The following CSMD1 variants were observed in gnomAD, a reference collection of about 807,000 sequenced individuals.
CSMD1 encodes the protein CUB and Sushi multiple domains 1.
CSMD1 carries 213 observed loss-of-function variants against 417.5 expected under a neutral mutation model. The observed-to-expected ratio is 0.51, with a 90% CI of 0.46 to 0.57. The LOEUF (loss-of-function observed/expected upper bound fraction) is 0.57. Ranked by LOEUF, CSMD1 falls within the 20% of genes least tolerant of loss-of-function variation. The probability of loss-of-function intolerance (pLI) is 0.00; values close to 1 mark genes in which losing one functional copy is unlikely to be tolerated. For missense variants in CSMD1, 6,923 were observed against 4,529.7 expected (o/e 1.53, Z -15.17); for synonymous variants, 2,862 against 1,736.8 (o/e 1.65, Z -16.11).
chr8:4,333,546 G>C (rs979051868), intron 3 of CSMD1, among the ~76,000 whole-genome samples: 1 of 152,102 alleles, frequency 6.6e-6, no homozygotes, highest in Non-Finnish European at 1.5e-5. Flanking sequence ...AAATCATCAG[G>C]ATATGCACAC....
chr8:4,218,902 T>C (rs1045724628), intron 3 of CSMD1, among the ~76,000 whole-genome samples: 1 of 152,222 alleles, frequency 6.6e-6, no homozygotes, highest in African/African-American at 2.4e-5. Flanking sequence ...TATATGATCT[T>C]TCCATTTTGG....
chr8:4,937,854 G>A (rs72624082), intron 1 of CSMD1, among the ~76,000 whole-genome samples: 19,934 of 151,916 alleles, frequency 0.13, 1,780 homozygotes, highest in East Asian at 0.38. Flanking sequence ...TACATTCGAA[G>A]CTAAAAAATA....
chr8:4,217,478 T>C (rs1056777485), intron 3 of CSMD1, among the ~76,000 whole-genome samples: 1 of 152,060 alleles, frequency 6.6e-6, no homozygotes, highest in South Asian at 2.1e-4. Context: ...TAAACACAGG[T>C]AAGGGTCACA....
chr8:3,563,339 T>C (rs1377919558), intron 10 of CSMD1, among the ~76,000 whole-genome samples: 2 of 151,426 alleles, frequency 1.3e-5, no homozygotes, highest in African/African-American at 4.9e-5. Flanking sequence ...TGCTTTGTTG[T>C]TACTCATATC....
chr8:3,709,767 G>A (rs144694664), intron 6 of CSMD1, among the ~76,000 whole-genome samples: 1 of 130,832 alleles, frequency 7.6e-6, no homozygotes, highest in Non-Finnish European at 1.5e-5. Flanking sequence ...TCTCCAACTT[G>A]CTGACTTACC....
chr8:4,717,578 CCATCCATA>C (rs752991040), intron 1 of CSMD1, among the ~76,000 whole-genome samples: 7,297 of 151,154 alleles, frequency 0.048, 180 homozygotes, highest in East Asian at 0.079. Flanking sequence ...ATCCATCCAT[CCATCCATA>C]CATCCATCCA....
chr8:3,369,320 C>A lies in CSMD1; in HGVS notation c.2833G>T (p.Gly945Trp). Residue 945 changes from glycine (G) to tryptophan (W), a missense_variant, in exon 19 of 70, where the codon GGG (glycine) becomes TGG (tryptophan). Coordinates refer to ENST00000635120, the MANE Select transcript of CSMD1 (RefSeq NM_033225.6). ...GAGTTTGGATAAAAATCTGGAAACC[C>A]AGGAGAAAGGACTGTTCCACTCTTC... ...QGKSGTVLSPGFPDFYPNSLN... is the reference protein window; with the variant it reads ...QGKSGTVLSPWFPDFYPNSLN... 1.2e-6 allele frequency: 2 copies of A among 1,607,740 alleles called. No individual in the cohort carries two copies. Among genetic ancestry groups the A allele is most frequent in the Non-Finnish European group, 1.7e-6 (2 of 1,174,764 alleles).
intron 2 of CSMD1, among the ~76,000 whole-genome samples, chr8:4,557,955 T>A (rs1798170006): frequency 6.6e-6 from 1 of 152,178 alleles, no homozygotes; most frequent in African/African-American, 2.4e-5. Context: ...AGGAAGCTGA[T>A]AAATAATAAG....
chr8:4,112,209 C>G (rs1213990530), intron 3 of CSMD1, among the ~76,000 whole-genome samples: 1 of 152,104 alleles, frequency 6.6e-6, no homozygotes, highest in Non-Finnish European at 1.5e-5. Flanking sequence ...GAACCAGTAA[C>G]ACCTCTTTCA....
chr8:3,604,317 C>T (rs1158680508), intron 8 of CSMD1, among the ~76,000 whole-genome samples: 2 of 152,062 alleles, frequency 1.3e-5, no homozygotes, highest in Non-Finnish European at 2.9e-5. Flanking sequence ...GACCAAAGGT[C>T]CATTTCAGAT....
chr8:4,959,326 A>C (rs1393896742), intron 1 of CSMD1, among the ~76,000 whole-genome samples: 1 of 152,178 alleles, frequency 6.6e-6, no homozygotes, highest in African/African-American at 2.4e-5. Context: ...GGACCTTCTT[A>C]TTCAACATGT....
Position 4,566,448 on chromosome 8 carries a change from A to T in CSMD1, c.302+70894T>A, listed in dbSNP as rs1007990919. ...GTGGGTTGATCACGAGGTCAAGAGA[A>T]CGAGACCATCCTGGCTAACAAGGTG... On this transcript the variant is annotated intron_variant, in intron 2 of 69. Coordinates refer to ENST00000635120, the MANE Select transcript of CSMD1 (RefSeq NM_033225.6). Among the ~76,000 whole-genome samples, 16 of 151,130 alleles carry T rather than the reference A, an allele frequency of 1.1e-4. No individual in the cohort carries two copies. In the East Asian group the frequency reaches 1.2e-3, roughly 11 times the overall value.
At chr8:4,031,880 C>T (rs374671552) in intron 4 of CSMD1, 25 bp downstream of exon 4, 8 of 1,580,376 alleles carry the variant, frequency 5.1e-6, no homozygotes, top group Middle Eastern at 1.9e-4. Flanking sequence ...GGAGTCTGCT[C>T]ACCAGCCCCC....
chr8:4,825,577 C>A (rs767684544), intron 1 of CSMD1, among the ~76,000 whole-genome samples: 1 of 122,544 alleles, frequency 8.2e-6, no homozygotes, highest in Admixed American at 7.5e-5. Context: ...ATACTTCATA[C>A]AAGTGGGATC....
intron 7 of CSMD1, among the ~76,000 whole-genome samples, chr8:3,627,464 A>G (rs1182271268): frequency 2.6e-5 from 4 of 152,208 alleles, no homozygotes; most frequent in Non-Finnish European, 5.9e-5. Context: ...TATGTAGGTT[A>G]TTTAAAGTCG....
chr8:4,693,525 T>G (rs1156881782), intron 1 of CSMD1, among the ~76,000 whole-genome samples: 1 of 152,228 alleles, frequency 6.6e-6, no homozygotes, highest in Admixed American at 6.5e-5. Flanking sequence ...TGAGTCTGCT[T>G]CTTTAATTTT....
Position 4,532,284 on chromosome 8 carries a change from G to A in CSMD1, c.302+105058C>T, listed in dbSNP as rs967423213. Among the ~76,000 whole-genome samples the A allele has an allele frequency of 2.1e-5, 3 of 139,554 alleles. No individual in the cohort carries two copies. In the South Asian group the frequency reaches 7.0e-4, roughly 32 times the overall value. The allele number at this position is 139,554 out of a possible 152,430, so 91.6% of individuals were successfully genotyped here. On this transcript the variant is annotated intron_variant, in intron 2 of 69. Coordinates refer to ENST00000635120, the MANE Select transcript of CSMD1 (RefSeq NM_033225.6). ...ACAGTCACTCCAGAAAAGAAATCCT[G>A]CAAGCCCATTCACAGTCACTCCAGA... is the stretch of plus-strand genomic sequence containing the variant.
intron 23 of CSMD1, among the ~76,000 whole-genome samples, chr8:3,314,119 GT>G (rs1284404399): frequency 2.0e-5 from 3 of 151,554 alleles, no homozygotes; most frequent in Non-Finnish European, 2.9e-5. Context: ...GGAGCCTGTT[GT>G]GGGGTGGGGG....
chr8:4,134,978 T>C (rs1803328830), intron 3 of CSMD1, among the ~76,000 whole-genome samples: 1 of 152,164 alleles, frequency 6.6e-6, no homozygotes, highest in Non-Finnish European at 1.5e-5. Context: ...AGGCTCAGCT[T>C]AGTGTCTGGG....
Sources: gnomAD v4.1 joint callset for allele counts (sites outside exome capture counted in the v4.1 genomes callset) on GRCh38, gnomAD v4.1.1 for gene constraint, MANE v1.5 for transcripts, NCBI Gene and HGNC (gene_info 2026-07-23, HGNC 2026-07-21) for gene names.